The following CD5 variants were observed in gnomAD, a reference collection of about 807,000 sequenced individuals.
The protein encoded by CD5 is CD5 molecule, also known as T-cell surface glycoprotein CD5.
CD5 carries 36 observed loss-of-function variants against 60.3 expected under a neutral mutation model. The ratio of observed to expected loss-of-function variants is 0.60; its 90% CI spans 0.46 to 0.79. The LOEUF (loss-of-function observed/expected upper bound fraction) is 0.79, where lower values mean the gene tolerates loss of function less well. CD5 is among the 30% of genes least tolerant of loss of function. CD5 has a pLI of 0.00. For synonymous variants in CD5, 230 were observed against 257.6 expected, an observed-to-expected ratio of 0.89 and a Z score of 1.03; for missense variants, 540 against 630.6, an observed-to-expected ratio of 0.86 and a Z score of 1.54.
Position 61,118,774 on chromosome 11 carries a change from T to G in CD5, c.401-141T>G, listed in dbSNP as rs1861003376. 1 of 646,624 alleles carries G rather than the reference T, an allele frequency of 1.5e-6. No individual in the cohort carries two copies. Among genetic ancestry groups the G allele is most frequent in the South Asian group, 1.9e-5 (1 of 53,394 alleles). 40.1% of individuals were successfully genotyped at this position (646,624 alleles called of 1,614,324 possible). On this transcript the variant is annotated intron_variant, in intron 3 of 10. Transcript: ENST00000347785. This position sits in a 1 kb window ranked among gnomAD's most constrained non-coding sequence, Gnocchi z 4.7. ...GGTACTTCCCGCCTCGCAGGAGGCT[T>G]AGAGACAACGTGTGGGTCAAGTGGA... is the stretch of plus-strand genomic sequence containing the variant.
At chr11:61,095,270 C>T in the CD5 span, among the ~76,000 whole-genome samples, 1 of 152,068 alleles carries the variant, frequency 6.6e-6, no homozygotes, top group Admixed American at 6.6e-5. Context: ...AAACTCCTCC[C>T]TTGAAAGCTC....
At position 61,121,859 on chromosome 11, in the gene CD5, G is replaced by A. The variant is rs150311989; in HGVS notation, c.1054G>A (p.Glu352Lys). 64 of 1,567,078 alleles carry A rather than the reference G, an allele frequency of 4.1e-5. No homozygotes were observed. Among genetic ancestry groups the A allele is most frequent in the African/African-American group, 1.4e-4 (10 of 73,616 alleles). The change falls in exon 6 of 11, where the codon GAA (glutamate) becomes AAA (lysine). Residue 352 changes from glutamate (E) to lysine (K), a missense_variant. Coordinates refer to ENST00000347785, the MANE Select transcript of CD5 (RefSeq NM_014207.4). ...CCATCAGAAGCTGTCCCAGTGCCACGAACTTTGGGAGAGAAATTCCTACTG... is the reference window on the plus strand; with the variant it reads ...CCATCAGAAGCTGTCCCAGTGCCACAAACTTTGGGAGAGAAATTCCTACTG... ...CPHQKLSQCH[E>K]LWERNSYCKK...
rs766706529 is a variant in CD5, at chr11:61,121,939, GTTACTACT to G, written c.1099+40_1099+47del. On this transcript the variant is annotated intron_variant, in intron 6 of 10. Transcript: ENST00000347785. ...CCACAGCCCACAGTGGGTGGAAGCA[GTTACTACT>G]TTACCTCTAGGACCCGGTCAGGGTG... 3 of 1,494,390 alleles carry G rather than the reference GTTACTACT, an allele frequency of 2.0e-6. No individual in the cohort carries two copies. The Admixed American group carries it at 6.2e-5, about 31-fold the overall frequency. The allele number at this position is 1,494,390 out of a possible 1,614,324, so 92.6% of individuals were successfully genotyped here.
chr11:61,119,685 A>C, intron 5 of CD5, 110 bp downstream of exon 5: 1 of 772,924 alleles, frequency 1.3e-6, no homozygotes, highest in Non-Finnish European at 2.0e-6. Context: ...ACTATGGAGA[A>C]TACAAGGGAA....
At chr11:61,112,746 C>T (rs757897462) in intron 1 of CD5, among the ~76,000 whole-genome samples, 9 of 152,188 alleles carry the variant, frequency 5.9e-5, no homozygotes, top group Non-Finnish European at 1.3e-4. Context: ...ATAACCTTCC[C>T]CTTCCAAGGC....
At chr11:61,119,626 G>A (rs1861025735) in intron 5 of CD5, 51 bp downstream of exon 5, 1 of 1,341,808 alleles carries the variant, frequency 7.5e-7, no homozygotes, top group Non-Finnish European at 1.0e-6. Flanking sequence ...CCCTAGGTGG[G>A]GTCACAGAGC....
At chr11:61,097,816 C>A (rs151211759), upstream of CD5, among the ~76,000 whole-genome samples, 1,510 of 152,204 alleles carry the variant, frequency 9.9e-3, 10 homozygotes, top group Non-Finnish European at 0.017. Context: ...GGATACCAGA[C>A]CCCCATTTAC....
intron 5 of CD5, among the ~76,000 whole-genome samples, chr11:61,120,186 C>T (rs1861036685): frequency 6.6e-6 from 1 of 152,036 alleles, no homozygotes; most frequent in Non-Finnish European, 1.5e-5. Context: ...TGTGAGACCC[C>T]GGTGGGCCAA....
At chr11:61,100,907 A>ACG (rs1860668498), upstream of CD5, among the ~76,000 whole-genome samples, 1 of 138,204 alleles carries the variant, frequency 7.2e-6, no homozygotes, top group African/African-American at 2.8e-5. Flanking sequence ...TCACACACAC[A>ACG]TCAACATGGA....
Position 61,118,792 on chromosome 11 carries a change from C to G in CD5, c.401-123C>G. On this transcript the variant is annotated intron_variant, in intron 3 of 10. Transcript: ENST00000347785. This position sits in a 1 kb window ranked among gnomAD's most constrained non-coding sequence, Gnocchi z 4.7. ...GGAGGCTTAGAGACAACGTGTGGGT[C>G]AAGTGGACCTGGTGTGCCAAGCGGC... 1 of 681,052 alleles carries G rather than the reference C, an allele frequency of 1.5e-6. No individual in the cohort carries two copies. Among genetic ancestry groups the G allele is most frequent in the Non-Finnish European group, 2.6e-6 (1 of 388,916 alleles). The allele number at this position is 681,052 out of a possible 1,614,324, so 42.2% of individuals were successfully genotyped here.
At position 61,118,464 on chromosome 11, in the gene CD5, G is replaced by C. The variant is rs748287226; in HGVS notation, c.384G>C (p.Leu128=). 6.2e-7 allele frequency: 1 copy of C among 1,614,056 alleles called. No homozygotes were observed. The highest frequency in any genetic ancestry group is 8.5e-7 in the Non-Finnish European group (1 of 1,179,934). The change falls in exon 3 of 11, where the codon CTG becomes CTC. Residue 128 remains leucine (L), a synonymous_variant. Coordinates refer to ENST00000347785, the MANE Select transcript of CD5 (RefSeq NM_014207.4). This position sits in a 1 kb window ranked among gnomAD's most constrained non-coding sequence, Gnocchi z 4.7. ...GCAGAAATGACATGTGTCACTCTCT[G>C]GGCCTGACCTGCTTAGGTGGGTAAC... ...SHSRNDMCHS[L]GLTCLEPQKT...
upstream of CD5, among the ~76,000 whole-genome samples, chr11:61,097,958 C>G (rs186874105): frequency 6.6e-6 from 1 of 152,264 alleles, no homozygotes; most frequent in Non-Finnish European, 1.5e-5. Context: ...GATTGGCTCT[C>G]GACTACTTGC....
At chr11:61,094,231 T>A in the CD5 span, among the ~76,000 whole-genome samples, 16 of 151,920 alleles carry the variant, frequency 1.1e-4, no homozygotes, top group Middle Eastern at 3.4e-3. Context: ...GTCAGAGCAG[T>A]GCATGGCAGG....
chr11:61,111,054 G>T (rs931258576), intron 1 of CD5, among the ~76,000 whole-genome samples: 1 of 152,202 alleles, frequency 6.6e-6, no homozygotes, highest in Non-Finnish European at 1.5e-5. Context: ...ATTTTTTAAA[G>T]AATTTCACTT....
At chr11:61,120,004 T>C (rs1861032947) in intron 5 of CD5, among the ~76,000 whole-genome samples, 1 of 151,734 alleles carries the variant, frequency 6.6e-6, no homozygotes. Flanking sequence ...ATTGCAGCAA[T>C]GGTGAGAGGT....
At chr11:61,107,620 T>C (rs1056377008) in intron 1 of CD5, among the ~76,000 whole-genome samples, 1 of 152,206 alleles carries the variant, frequency 6.6e-6, no homozygotes, top group Admixed American at 6.5e-5. Context: ...ACCAAATGCA[T>C]TAGAACAAGA....
chr11:61,115,380 C>A (rs184652206), intron 2 of CD5, among the ~76,000 whole-genome samples: 10 of 152,306 alleles, frequency 6.6e-5, no homozygotes, highest in African/African-American at 2.4e-4. Flanking sequence ...GACATCCCAG[C>A]TCATAAATGT....
At chr11:61,096,460 C>T in the CD5 span, among the ~76,000 whole-genome samples, 18 of 152,310 alleles carry the variant, frequency 1.2e-4, no homozygotes, top group Admixed American at 5.9e-4. Context: ...GTCACCCCCT[C>T]ATCCAAGAAA....
chr11:61,117,449 C>T (rs1203528954), intron 2 of CD5, among the ~76,000 whole-genome samples: 1 of 152,098 alleles, frequency 6.6e-6, no homozygotes, highest in Non-Finnish European at 1.5e-5. Context: ...GAACAGTATC[C>T]TTAAAATGAG....
Sources: gnomAD v4.1 joint callset for allele counts (sites outside exome capture counted in the v4.1 genomes callset) on GRCh38, gnomAD v4.1.1 for gene constraint, Gnocchi (gnomAD v3.1) non-coding constraint, MANE v1.5 for transcripts, NCBI Gene and HGNC (gene_info 2026-07-23, HGNC 2026-07-21) for gene names.